CREB5: variants seen among roughly 807,000 people sequenced by gnomAD.
The protein encoded by CREB5 is cyclic AMP-responsive element-binding protein 5.
In CREB5, 19 loss-of-function variants were observed where a neutral mutation model predicts 57.1. That is an observed-to-expected ratio of 0.33 (90% CI 0.23 to 0.49). The LOEUF is 0.49. Ranked by LOEUF, CREB5 falls within the 20% of genes least tolerant of loss-of-function variation. The pLI is 0.99. For missense variants in CREB5, 579 were observed against 671.6 expected (o/e 0.86, Z 1.52); for synonymous variants, 238 against 238.3 (o/e 1.00, Z 0.01).
intron 3 of CREB5, among the ~76,000 whole-genome samples, chr7:28,503,951 G>A (rs1321515401): frequency 6.6e-6 from 1 of 152,156 alleles, no homozygotes; most frequent in Non-Finnish European, 1.5e-5. Flanking sequence ...TTTCTTTGCT[G>A]TAGGATATAG....
At chr7:28,407,955 T>C (rs1421877247), upstream of CREB5, among the ~76,000 whole-genome samples, 1 of 152,186 alleles carries the variant, frequency 6.6e-6, no homozygotes, top group Non-Finnish European at 1.5e-5. Flanking sequence ...ATGTCAGAAA[T>C]GATTATTGTT....
chr7:28,515,581 A>G (rs999218791), intron 4 of CREB5, among the ~76,000 whole-genome samples: 2 of 150,726 alleles, frequency 1.3e-5, no homozygotes, highest in African/African-American at 4.9e-5. Flanking sequence ...ACCATGCCCG[A>G]CTCCCCTGGT....
chr7:28,357,288 C>T (rs1048272844), intron 1 of CREB5, among the ~76,000 whole-genome samples: 2 of 152,220 alleles, frequency 1.3e-5, no homozygotes, highest in Non-Finnish European at 2.9e-5. Flanking sequence ...CTGGGAATAA[C>T]TTTCAATGTC....
intron 1 of CREB5, among the ~76,000 whole-genome samples, chr7:28,364,768 C>T (rs1006717793): frequency 1.3e-5 from 2 of 152,210 alleles, no homozygotes; most frequent in East Asian, 1.9e-4. Context: ...TGCCTCAGAT[C>T]ATAGAGGTAG....
At chr7:28,574,642 G>A (rs1795836058) in intron 5 of CREB5, among the ~76,000 whole-genome samples, 1 of 152,208 alleles carries the variant, frequency 6.6e-6, no homozygotes, top group Non-Finnish European at 1.5e-5. Flanking sequence ...GACGGGTTAT[G>A]GGAGACGCTT....
intron 5 of CREB5, among the ~76,000 whole-genome samples, chr7:28,606,966 C>T (rs1481049169): frequency 6.6e-6 from 1 of 152,126 alleles, no homozygotes; most frequent in African/African-American, 2.4e-5. Flanking sequence ...TGGGAACATT[C>T]AATATCCTCC....
chr7:28,601,477 C>T (rs1304293478), intron 5 of CREB5, among the ~76,000 whole-genome samples: 1 of 152,046 alleles, frequency 6.6e-6, no homozygotes, highest in African/African-American at 2.4e-5. Flanking sequence ...TAGGCATGAC[C>T]AGAGAAAAGG....
intron 7 of CREB5, among the ~76,000 whole-genome samples, chr7:28,784,788 A>G (rs1807215844): frequency 6.6e-6 from 1 of 152,204 alleles, no homozygotes; most frequent in South Asian, 2.1e-4. Flanking sequence ...TCTCTCGCTC[A>G]GCCTCTAATG....
chr7:28,734,206 C>CAAAAAAAAA (rs61403862), intron 7 of CREB5, among the ~76,000 whole-genome samples: 5 of 96,436 alleles, frequency 5.2e-5, no homozygotes, highest in South Asian at 3.5e-4. Flanking sequence ...TTCAGTAGTT[C>CAAAAAAAAA]AAAAAAAAAA....
At chr7:28,466,918 G>C (rs1358673322) in intron 1 of CREB5, among the ~76,000 whole-genome samples, 1 of 152,240 alleles carries the variant, frequency 6.6e-6, no homozygotes, top group African/African-American at 2.4e-5. Context: ...TGGCACACTT[G>C]AAGGGGTAAT....
intron 7 of CREB5, among the ~76,000 whole-genome samples, chr7:28,741,002 T>TC (rs949694940): frequency 6.6e-6 from 1 of 151,788 alleles, no homozygotes; most frequent in African/African-American, 2.4e-5. Flanking sequence ...GCAGGGATTT[T>TC]TTTTTTTTTT....
At chr7:28,357,085 A>T (rs546818799) in intron 1 of CREB5, among the ~76,000 whole-genome samples, 3,530 of 152,258 alleles carry the variant, frequency 0.023, 148 homozygotes, top group African/African-American at 0.081. Context: ...ATCCCTCGCT[A>T]AAGCCACAGA....
At chr7:28,757,013 C>G in intron 7 of CREB5, among the ~76,000 whole-genome samples, 1 of 152,120 alleles carries the variant, frequency 6.6e-6, no homozygotes, top group East Asian at 1.9e-4. Flanking sequence ...TTATAGGTAC[C>G]AAGTTAAACA....
intron 1 of CREB5, among the ~76,000 whole-genome samples, chr7:28,448,532 G>A (rs1345474238): frequency 6.6e-6 from 1 of 152,202 alleles, no homozygotes; most frequent in East Asian, 1.9e-4. Context: ...TAGTGACATG[G>A]AGCTGGTGGG....
At chr7:28,495,112 C>T (rs913643037) in intron 3 of CREB5, 113 bp downstream of exon 3, 6 of 624,176 alleles carry the variant, frequency 9.6e-6, no homozygotes, top group Non-Finnish European at 1.6e-5. Context: ...CTTGAAAATA[C>T]ACATTTCTAA....
At chr7:28,757,333 C>T (rs1805382060) in intron 7 of CREB5, among the ~76,000 whole-genome samples, 1 of 152,140 alleles carries the variant, frequency 6.6e-6, no homozygotes, top group African/African-American at 2.4e-5. Context: ...AACTACTATG[C>T]CACTGTAACA....
intron 5 of CREB5, among the ~76,000 whole-genome samples, chr7:28,717,770 C>T (rs1338322738): frequency 2.6e-5 from 4 of 152,080 alleles, no homozygotes; most frequent in Non-Finnish European, 5.9e-5. Context: ...CCTCAGAGGT[C>T]CTGGGAGGTT....
At chr7:28,547,011 A>G (rs1794448861) in intron 4 of CREB5, among the ~76,000 whole-genome samples, 2 of 152,342 alleles carry the variant, frequency 1.3e-5, no homozygotes, top group Non-Finnish European at 1.5e-5. Context: ...GAATGTATGT[A>G]TTTGTCAAGG....
At chr7:28,671,923 A>G (rs1180134213) in intron 5 of CREB5, among the ~76,000 whole-genome samples, 2 of 152,174 alleles carry the variant, frequency 1.3e-5, no homozygotes, top group African/African-American at 4.8e-5. Context: ...GTTAGCTCTT[A>G]TTTTTATTAT....
Sources: gnomAD v4.1 joint callset for allele counts (sites outside exome capture counted in the v4.1 genomes callset) on GRCh38, gnomAD v4.1.1 for gene constraint, MANE v1.5 for transcripts, NCBI Gene and HGNC (gene_info 2026-07-23, HGNC 2026-07-21) for gene names.